SLC9A9: variants seen among roughly 807,000 people sequenced by gnomAD.
The protein encoded by SLC9A9 is sodium/hydrogen exchanger 9.
A neutral mutation model predicts 77.8 loss-of-function variants in SLC9A9; 62 were observed. That is an observed-to-expected ratio of 0.80 (90% CI 0.65 to 0.98). The LOEUF (loss-of-function observed/expected upper bound fraction) is 0.98, where lower values mean the gene tolerates loss of function less well. SLC9A9 is among the 50% of genes least tolerant of loss of function. The pLI, the probability that SLC9A9 is intolerant of heterozygous loss-of-function variation, is 0.00. For missense variants in SLC9A9, 775 were observed against 774.9 expected (o/e 1.00, Z 0.00); for synonymous variants, 320 against 283.5 (o/e 1.13, Z -1.29).
intron 6 of SLC9A9, among the ~76,000 whole-genome samples, chr3:143,582,467 A>G (rs1478665936): frequency 1.3e-5 from 2 of 152,190 alleles, no homozygotes; most frequent in Admixed American, 6.5e-5. Context: ...AACTTCCACA[A>G]GTCTCACAAT....
intron 14 of SLC9A9, among the ~76,000 whole-genome samples, chr3:143,296,754 T>C (rs1160058258): frequency 6.6e-6 from 1 of 152,236 alleles, no homozygotes; most frequent in African/African-American, 2.4e-5. Flanking sequence ...TATCTTATTG[T>C]GGTTTTGATA....
At chr3:143,811,419 T>A (rs2008861909) in intron 2 of SLC9A9, among the ~76,000 whole-genome samples, 1 of 152,224 alleles carries the variant, frequency 6.6e-6, no homozygotes, top group Non-Finnish European at 1.5e-5. Flanking sequence ...TCTATTTACT[T>A]AACCTCTCTG....
In SLC9A9 at chr3:143,771,524, C is replaced by T. The variant is rs575763465; in HGVS notation, c.533+23477G>A. On this transcript the variant is annotated intron_variant, in intron 4 of 15. Transcript: ENST00000316549. ...ACTCTGAAGTCACAGAGAGAAGGTGCCATGGGAGAAAGGTTAGAATCTCAA... is the reference window on the plus strand; with the variant it reads ...ACTCTGAAGTCACAGAGAGAAGGTGTCATGGGAGAAAGGTTAGAATCTCAA... Among the ~76,000 whole-genome samples the T allele has an allele frequency of 3.9e-5, 6 of 152,166 alleles. No homozygotes were observed. In the East Asian group the frequency reaches 9.6e-4, roughly 24 times the overall value.
intron 4 of SLC9A9, among the ~76,000 whole-genome samples, chr3:143,706,565 A>C (rs896690441): frequency 1.3e-5 from 2 of 152,318 alleles, no homozygotes; most frequent in Non-Finnish European, 2.9e-5. Flanking sequence ...GTGAAGCCCC[A>C]TTCAGCTCTG....
chr3:143,618,183 C>T (rs2038139376), intron 6 of SLC9A9, among the ~76,000 whole-genome samples: 1 of 152,162 alleles, frequency 6.6e-6, no homozygotes, highest in Non-Finnish European at 1.5e-5. Flanking sequence ...ATTTCCTGAG[C>T]CCTCTTAGGG....
chr3:143,323,553 T>C (rs1377127758), intron 14 of SLC9A9, among the ~76,000 whole-genome samples: 1 of 151,958 alleles, frequency 6.6e-6, no homozygotes, highest in East Asian at 1.9e-4. Flanking sequence ...AAAAGATAGA[T>C]AACAGATACT....
At chr3:143,309,187 C>T (rs1453368088) in intron 14 of SLC9A9, among the ~76,000 whole-genome samples, 1 of 152,080 alleles carries the variant, frequency 6.6e-6, no homozygotes, top group Non-Finnish European at 1.5e-5. Flanking sequence ...TCTAAAGTTC[C>T]TCTAATTCAA....
chr3:143,741,384 T>C (rs2108816856), intron 4 of SLC9A9, among the ~76,000 whole-genome samples: 1 of 152,258 alleles, frequency 6.6e-6, no homozygotes, highest in Non-Finnish European at 1.5e-5. Flanking sequence ...ATAAATAATA[T>C]TGGATTATTA....
intron 10 of SLC9A9, 58 bp downstream of exon 10, chr3:143,495,277 A>G: frequency 2.9e-6 from 4 of 1,402,784 alleles, no homozygotes; most frequent in Non-Finnish European, 4.0e-6. Flanking sequence ...ATAATTCGTA[A>G]AAGTAAGTCA....
intron 4 of SLC9A9, among the ~76,000 whole-genome samples, chr3:143,748,616 T>C (rs1935255416): frequency 6.6e-6 from 1 of 151,594 alleles, no homozygotes; most frequent in Non-Finnish European, 1.5e-5. Flanking sequence ...CTTACAATGT[T>C]CAAAGGAAAG....
chr3:143,643,163 G>A (rs1250607079), intron 6 of SLC9A9, among the ~76,000 whole-genome samples: 1 of 152,134 alleles, frequency 6.6e-6, no homozygotes, highest in African/African-American at 2.4e-5. Flanking sequence ...TACCTGGGAT[G>A]TGAAAGTATC....
At chr3:143,826,191 A>G (rs2009291976) in intron 2 of SLC9A9, among the ~76,000 whole-genome samples, 1 of 151,452 alleles carries the variant, frequency 6.6e-6, no homozygotes, top group East Asian at 2.0e-4. Context: ...CCTAGGAGGC[A>G]GAGGTTGCAG....
chr3:143,406,435 T>C (rs1376650033), intron 12 of SLC9A9, among the ~76,000 whole-genome samples: 1 of 151,790 alleles, frequency 6.6e-6, no homozygotes, highest in African/African-American at 2.4e-5. Flanking sequence ...TGGAGTGCAA[T>C]GGCGCGATCT....
intron 9 of SLC9A9, among the ~76,000 whole-genome samples, chr3:143,537,371 C>T (rs2036607284): frequency 6.6e-6 from 1 of 152,146 alleles, no homozygotes; most frequent in Admixed American, 6.5e-5. Flanking sequence ...GTTGTCAGAG[C>T]CTGGAGCTGC....
chr3:143,807,896 C>A (rs979921401), intron 2 of SLC9A9, among the ~76,000 whole-genome samples: 1 of 152,062 alleles, frequency 6.6e-6, no homozygotes, highest in African/African-American at 2.4e-5. Context: ...GGAGGTGATC[C>A]CAAATGGAGA....
chr3:143,486,733 A>C (rs2035658473), intron 11 of SLC9A9, among the ~76,000 whole-genome samples: 1 of 152,036 alleles, frequency 6.6e-6, no homozygotes, highest in Admixed American at 6.5e-5. Flanking sequence ...CAGCTTTAGG[A>C]TCTTAAGTGT....
intron 4 of SLC9A9, among the ~76,000 whole-genome samples, chr3:143,748,692 C>CTT (rs35698779): frequency 0.016 from 1,728 of 105,964 alleles, 54 homozygotes; most frequent in African/African-American, 0.04. Context: ...TTTGACCAAG[C>CTT]TTTTTTTTTT....
chr3:143,344,688 C>T (rs986715484), intron 14 of SLC9A9: 2 of 152,064 alleles, frequency 1.3e-5, no homozygotes, highest in African/African-American at 4.8e-5. Flanking sequence ...GTGACTCTGA[C>T]CTTGAGGAGG....
At chr3:143,781,861 T>A (rs1480338526) in intron 4 of SLC9A9, among the ~76,000 whole-genome samples, 3 of 152,206 alleles carry the variant, frequency 2.0e-5, no homozygotes, top group Non-Finnish European at 2.9e-5. Context: ...AATGAGTAAG[T>A]AAGGGTGAAA....
Sources: gnomAD v4.1 joint callset for allele counts (sites outside exome capture counted in the v4.1 genomes callset) on GRCh38, gnomAD v4.1.1 for gene constraint, MANE v1.5 for transcripts, NCBI Gene and HGNC (gene_info 2026-07-23, HGNC 2026-07-21) for gene names.